CHN2: variants seen among roughly 807,000 people sequenced by gnomAD.
CHN2 encodes beta-chimaerin.
Under a neutral mutation model 56.3 loss-of-function variants are expected in CHN2, and 35 were observed. The ratio of observed to expected loss-of-function variants is 0.62; its 90% CI spans 0.47 to 0.82. The LOEUF is 0.82. Ranked by LOEUF, CHN2 falls within the 40% of genes least tolerant of loss-of-function variation. CHN2 has a pLI of 0.00. For missense variants in CHN2, 491 were observed against 580.5 expected (o/e 0.85, Z 1.58); for synonymous variants, 210 against 212.8 (o/e 0.99, Z 0.12).
rs762580332 is a variant in CHN2, at chr7:29,400,580, G to A, written c.328G>A (p.Asp110Asn). 5.6e-6 allele frequency: 9 copies of A among 1,614,132 alleles called. No individual in the cohort carries two copies. The highest frequency in any genetic ancestry group is 2.7e-5 in the African/African-American group (2 of 75,020). Residue 110 changes from aspartate (D) to asparagine (N), a missense_variant, in exon 6 of 13, where the codon GAC (aspartate) becomes AAC (asparagine). By Grantham distance (23) the Asp-to-Asn change is conservative. Transcript: ENST00000222792. ...NQTLNYRLFH[D>N]GKHFVGEKRF... is the part of the protein sequence containing the mutation. ...GACCTTAAACTACAGGCTCTTCCAC[G>A]ACGGGAAACACTTTGTGGGTGAGAA...
chr7:29,176,188 G>GA (rs200056581), intron 2 of CHN2, among the ~76,000 whole-genome samples: 18,353 of 137,088 alleles, frequency 0.13, 1,469 homozygotes, highest in East Asian at 0.26. Context: ...TCCGTCTCAA[G>GA]AAAAAAAAAA....
chr7:29,298,119 G>T (rs1793336567), intron 1 of CHN2, among the ~76,000 whole-genome samples: 1 of 152,186 alleles, frequency 6.6e-6, no homozygotes, highest in Non-Finnish European at 1.5e-5. Flanking sequence ...TAAAGCATAA[G>T]AATTATTTGC....
At chr7:29,227,172 T>C (rs1480209211) in intron 1 of CHN2, among the ~76,000 whole-genome samples, 1 of 152,212 alleles carries the variant, frequency 6.6e-6, no homozygotes, top group Non-Finnish European at 1.5e-5. Flanking sequence ...TAGCTCCCAC[T>C]GTAATAGTGG....
At position 29,237,819 on chromosome 7, in the gene CHN2, T is replaced by C. The variant is rs138824431; in HGVS notation, c.49+42829T>C. Among the ~76,000 whole-genome samples, 799 of 152,000 alleles carry C rather than the reference T, an allele frequency of 5.3e-3. 8 individuals are homozygous for C. The highest frequency in any genetic ancestry group is 0.018 in the African/African-American group (744 of 41,456). ...GAGGGGTTGAATAATGCTTGCAGAGTGGACAGCTCTCGCACATGAAAAATT... is the reference window on the plus strand; with the variant it reads ...GAGGGGTTGAATAATGCTTGCAGAGCGGACAGCTCTCGCACATGAAAAATT... On this transcript the variant is annotated intron_variant, in intron 1 of 12. Transcript: ENST00000222792.
chr7:29,504,721 GTCTCTC>G lies in CHN2; in HGVS notation c.914-11_914-6del. 2.3e-6 allele frequency: 3 copies of G among 1,285,554 alleles called. No homozygotes were observed. Among genetic ancestry groups the G allele is most frequent in the South Asian group, 1.4e-5 (1 of 72,884 alleles). 79.6% of individuals were successfully genotyped at this position (1,285,554 alleles called of 1,614,324 possible). A position where few individuals can be genotyped will look rare whatever the true frequency, so the allele number is the denominator to read the frequency against. ...TAGATGTTTCAAGAAGCTAAAGTCA[GTCTCTC>G]TCTCTCTCTCTAACAGGATTAAAAT... On this transcript the variant is annotated splice_polypyrimidine_tract_variant and intron_variant, in intron 9 of 12. Coordinates refer to ENST00000222792, the MANE Select transcript of CHN2 (RefSeq NM_004067.4).
chr7:29,227,239 C>T (rs1174534107), intron 1 of CHN2, among the ~76,000 whole-genome samples: 1 of 152,216 alleles, frequency 6.6e-6, no homozygotes, highest in East Asian at 1.9e-4. Context: ...CCTTGCTGGG[C>T]ACTGCAGCCT....
chr7:29,175,821 CATGTCTA>C (rs1188900042), intron 2 of CHN2, among the ~76,000 whole-genome samples: 2 of 152,142 alleles, frequency 1.3e-5, no homozygotes, highest in Non-Finnish European at 2.9e-5. Context: ...GAAAGTCTAA[CATGTCTA>C]ATTCACTGAC....
intron 1 of CHN2, among the ~76,000 whole-genome samples, chr7:29,305,959 C>A (rs1467217237): frequency 6.6e-6 from 1 of 151,696 alleles, no homozygotes; most frequent in Non-Finnish European, 1.5e-5. Context: ...TATTAGATTT[C>A]TGTGTTTCAT....
chr7:29,191,927 T>C (rs1385855861), upstream of CHN2: 1 of 152,254 alleles, frequency 6.6e-6, no homozygotes, highest in Admixed American at 6.5e-5. Context: ...ACTAAACATT[T>C]TTGCAAGGAG....
At chr7:29,153,275 GAAAT>G (rs1447113296) in intron 2 of CHN2, among the ~76,000 whole-genome samples, 1 of 152,182 alleles carries the variant, frequency 6.6e-6, no homozygotes, top group Non-Finnish European at 1.5e-5. Flanking sequence ...GGCAGGCTTG[GAAAT>G]AAATAAACAT....
At chr7:29,436,867 A>G (rs1783264143) in intron 6 of CHN2, among the ~76,000 whole-genome samples, 1 of 152,016 alleles carries the variant, frequency 6.6e-6, no homozygotes, top group Non-Finnish European at 1.5e-5. Flanking sequence ...CCGGGTCTTA[A>G]ACTTTTATAT....
chr7:29,439,790 A>T (rs1336619249), intron 6 of CHN2, among the ~76,000 whole-genome samples: 2 of 152,218 alleles, frequency 1.3e-5, no homozygotes, highest in African/African-American at 4.8e-5. Flanking sequence ...ACCACTGTGG[A>T]TGTTGAATTA....
intron 6 of CHN2, among the ~76,000 whole-genome samples, chr7:29,427,951 G>A (rs1226224929): frequency 6.6e-6 from 1 of 152,054 alleles, no homozygotes; most frequent in African/African-American, 2.4e-5. Context: ...CTCCGCATCC[G>A]GCCATTTTTT....
At chr7:29,501,252 T>A (rs1482037560) in intron 9 of CHN2, among the ~76,000 whole-genome samples, 1 of 152,184 alleles carries the variant, frequency 6.6e-6, no homozygotes, top group East Asian at 1.9e-4. Context: ...GCTAATTTAA[T>A]CCCAGAGTGT....
intron 1 of CHN2, among the ~76,000 whole-genome samples, chr7:29,343,071 T>G (rs913125599): frequency 1.3e-5 from 2 of 152,174 alleles, no homozygotes; most frequent in Non-Finnish European, 2.9e-5. Flanking sequence ...AAACATTCCT[T>G]TGATGAAAAT....
At chr7:29,462,117 A>G (rs1785212555) in intron 6 of CHN2, among the ~76,000 whole-genome samples, 1 of 152,236 alleles carries the variant, frequency 6.6e-6, no homozygotes, top group South Asian at 2.1e-4. Context: ...CAAAATACAA[A>G]TGCATTCTGC....
intron 1 of CHN2, among the ~76,000 whole-genome samples, chr7:29,214,986 G>A (rs943880549): frequency 5.3e-5 from 8 of 152,238 alleles, no homozygotes; most frequent in African/African-American, 1.9e-4. Context: ...GAAGGGAGGG[G>A]CCCTTGGGTC....
At chr7:29,509,432 C>T in intron 12 of CHN2, 26 bp downstream of exon 12, 1 of 1,562,216 alleles carries the variant, frequency 6.4e-7, no homozygotes, top group Non-Finnish European at 8.8e-7. Flanking sequence ...GTGCACAAAG[C>T]CTGCTCTGCT....
intron 1 of CHN2, among the ~76,000 whole-genome samples, chr7:29,327,750 C>A (rs900788713): frequency 6.6e-6 from 1 of 152,148 alleles, no homozygotes; most frequent in Non-Finnish European, 1.5e-5. Flanking sequence ...AGGATAATAA[C>A]CAGTTTACGG....
Sources: gnomAD v4.1 joint callset for allele counts (sites outside exome capture counted in the v4.1 genomes callset) on GRCh38, gnomAD v4.1.1 for gene constraint, MANE v1.5 for transcripts, NCBI Gene and HGNC (gene_info 2026-07-23, HGNC 2026-07-21) for gene names.